BHMT: variants seen among roughly 807,000 people sequenced by gnomAD.
BHMT encodes betaine--homocysteine S-methyltransferase.
Under a neutral mutation model 49.5 loss-of-function variants are expected in BHMT, and 38 were observed. That is an observed-to-expected ratio of 0.77 (90% CI 0.59 to 1.01). BHMT has a LOEUF of 1.01. Ranked by LOEUF, BHMT falls within the 50% of genes least tolerant of loss-of-function variation. The pLI, the probability that BHMT is intolerant of heterozygous loss-of-function variation, is 0.00. For synonymous variants in BHMT, 166 were observed against 176.3 expected (o/e 0.94, Z 0.46); for missense variants, 426 against 495.7 (o/e 0.86, Z 1.34).
chr5:79,112,931 G>A (rs1171716629), intron 1 of BHMT, among the ~76,000 whole-genome samples: 1 of 152,152 alleles, frequency 6.6e-6, no homozygotes, highest in East Asian at 1.9e-4. Context: ...GGCCTGGCAC[G>A]ACAGAGGCCC....
At chr5:79,130,267 C>G (rs1756616062) in intron 7 of BHMT, among the ~76,000 whole-genome samples, 4 of 152,148 alleles carry the variant, frequency 2.6e-5, no homozygotes, top group African/African-American at 9.7e-5. Flanking sequence ...TGGATGCACT[C>G]TGAGAATCCA....
intron 2 of BHMT, among the ~76,000 whole-genome samples, chr5:79,117,406 T>C (rs1756402474): frequency 6.6e-6 from 1 of 152,144 alleles, no homozygotes; most frequent in South Asian, 2.1e-4. Context: ...TGGAACTCCC[T>C]ATATTTTTCA....
intron 3 of BHMT, 131 bp downstream of exon 3, chr5:79,119,508 C>A: frequency 1.6e-6 from 1 of 637,336 alleles, no homozygotes; most frequent in South Asian, 2.8e-5. Context: ...AAATGAGAGG[C>A]GTGAATAACA....
chr5:79,121,514 G>T, intron 5 of BHMT, 149 bp downstream of exon 5: 1 of 1,237,492 alleles, frequency 8.1e-7, no homozygotes, highest in South Asian at 1.8e-5. Context: ...TTGAATCCCA[G>T]AGGAAAAGTT....
At chr5:79,121,401 G>A (rs754419177) in intron 5 of BHMT, 36 bp downstream of exon 5, 28 of 1,612,592 alleles carry the variant, frequency 1.7e-5, no homozygotes, top group South Asian at 2.2e-5. Flanking sequence ...TGATTAGTAA[G>A]TCTTAAAAGA....
intron 5 of BHMT, among the ~76,000 whole-genome samples, chr5:79,124,776 G>T (rs1756522750): frequency 6.6e-6 from 1 of 152,204 alleles, no homozygotes; most frequent in South Asian, 2.1e-4. Context: ...TGAGTCTGGG[G>T]AGGCTGAAAT....
chr5:79,118,103 A>G (rs1197948689), intron 2 of BHMT, among the ~76,000 whole-genome samples: 1 of 152,208 alleles, frequency 6.6e-6, no homozygotes, highest in Admixed American at 6.6e-5. Flanking sequence ...CTATTTTAAA[A>G]CAAATGATAA....
At chr5:79,112,041 C>T in intron 1 of BHMT, 123 bp downstream of exon 1, 2 of 1,166,000 alleles carry the variant, frequency 1.7e-6, no homozygotes, top group African/African-American at 1.6e-5. Context: ...CTACTCCCTC[C>T]CCTCCCTCAG....
chr5:79,119,548 A>C (rs1405723808), intron 3 of BHMT, 171 bp downstream of exon 3: 1 of 484,372 alleles, frequency 2.1e-6, no homozygotes, highest in African/African-American at 2.0e-5. Flanking sequence ...TGGAATCCCC[A>C]AAATTAACAA....
intron 4 of BHMT, 34 bp downstream of exon 4, chr5:79,120,575 A>T (rs1233640739): frequency 6.4e-7 from 1 of 1,563,960 alleles, no homozygotes; most frequent in African/African-American, 1.4e-5. Context: ...TAAGACAAAT[A>T]CACCTAGTAC....
chr5:79,121,403 C>T, intron 5 of BHMT, 38 bp downstream of exon 5: 1 of 1,611,902 alleles, frequency 6.2e-7, no homozygotes. Flanking sequence ...ATTAGTAAGT[C>T]TTAAAAGAAC....
At chr5:79,128,861 G>A (rs576213508) in intron 7 of BHMT, among the ~76,000 whole-genome samples, 5 of 152,304 alleles carry the variant, frequency 3.3e-5, no homozygotes, top group South Asian at 2.1e-4. Context: ...ATGAGAAGCC[G>A]TGGATTAGAG....
At chr5:79,112,534 A>T (rs886724263) in intron 1 of BHMT, among the ~76,000 whole-genome samples, 5 of 152,176 alleles carry the variant, frequency 3.3e-5, no homozygotes, top group Admixed American at 2.6e-4. Context: ...CGCTGCACCC[A>T]AGGCCCAGGC....
chr5:79,121,130 G>A (rs1756462184), intron 4 of BHMT, 88 bp from the exon 5 acceptor site: 1 of 1,511,452 alleles, frequency 6.6e-7, no homozygotes, highest in African/African-American at 1.4e-5. Context: ...CAGCCTGGGT[G>A]AAAGAGCAAA....
intron 3 of BHMT, 109 bp downstream of exon 3, chr5:79,119,486 C>A: frequency 2.5e-6 from 2 of 795,464 alleles, no homozygotes; most frequent in Non-Finnish European, 3.9e-6. Flanking sequence ...TGTTTTATTT[C>A]TAATAATACA....
intron 6 of BHMT, 107 bp downstream of exon 6, chr5:79,126,335 G>A (rs1580274398): frequency 7.6e-7 from 1 of 1,313,536 alleles, no homozygotes; most frequent in South Asian, 1.3e-5. Flanking sequence ...GAGATGGCTT[G>A]GTGTCTCCTC....
intron 5 of BHMT, among the ~76,000 whole-genome samples, chr5:79,122,888 G>C (rs972150701): frequency 1.3e-5 from 2 of 152,164 alleles, no homozygotes; most frequent in African/African-American, 4.8e-5. Context: ...CCTGGATATA[G>C]ATGGTATTGA....
chr5:79,128,529 TAAAAAAA>T (rs67257787), intron 7 of BHMT, among the ~76,000 whole-genome samples: 1 of 140,096 alleles, frequency 7.1e-6, no homozygotes, highest in South Asian at 2.2e-4. Flanking sequence ...GACCCTGTTT[TAAAAAAA>T]AAAAAAAAAA....
chr5:79,120,475 C>CA lies in BHMT; in HGVS notation c.417dup (p.Val140SerfsTer23), dbSNP rs1420402611. On this transcript the variant is annotated frameshift_variant, in exon 4 of 8. Transcript: ENST00000274353. LOFTEE classifies it high-confidence loss of function. ...TTAGCTGCAAGAGTGAAACTGAAGT[C>CA]AAAAAAGTATTTCTGCAACAGTTAG... The CA allele has an allele frequency of 1.9e-6, 3 of 1,613,230 alleles. No individual in the cohort carries two copies. Among genetic ancestry groups the CA allele is most frequent in the Non-Finnish European group, 2.5e-6 (3 of 1,179,772 alleles).
Sources: gnomAD v4.1 joint callset for allele counts (sites outside exome capture counted in the v4.1 genomes callset) on GRCh38, gnomAD v4.1.1 for gene constraint, MANE v1.5 for transcripts, NCBI Gene and HGNC (gene_info 2026-07-23, HGNC 2026-07-21) for gene names.